The following TULP4 variants were observed in gnomAD, a reference collection of about 807,000 sequenced individuals.
TULP4 encodes the protein tubby-related protein 4.
TULP4 carries 16 observed loss-of-function variants against 129.0 expected under a neutral mutation model. That is an observed-to-expected ratio of 0.12 (90% CI 0.08 to 0.19). TULP4 has a LOEUF of 0.19. TULP4 is among the 10% of genes least tolerant of loss of function. The pLI is 1.00. For synonymous variants in TULP4, 998 were observed against 854.0 expected (o/e 1.17, Z -2.94); for missense variants, 1,842 against 2,059.1 (o/e 0.89, Z 2.04).
At chr6:158,240,279 C>T (rs1777852701) in intron 1 of TULP4, among the ~76,000 whole-genome samples, 1 of 83,220 alleles carries the variant, frequency 1.2e-5, no homozygotes, top group Non-Finnish European at 2.6e-5. Flanking sequence ...TCCTCACTTC[C>T]CAGTAGGGGT....
intron 1 of TULP4, among the ~76,000 whole-genome samples, chr6:158,255,977 T>G (rs1475565865): frequency 1.3e-5 from 2 of 151,986 alleles, no homozygotes; most frequent in Non-Finnish European, 2.9e-5. Flanking sequence ...TGTGCCACAT[T>G]TAAGGATTTT....
At chr6:158,255,989 G>A (rs1406056876) in intron 1 of TULP4, among the ~76,000 whole-genome samples, 1 of 150,954 alleles carries the variant, frequency 6.6e-6, no homozygotes, top group African/African-American at 2.4e-5. Context: ...AAGGATTTTG[G>A]TCTTTATCGC....
At chr6:158,427,939 G>T (rs1010662368) in intron 2 of TULP4, 1 of 152,080 alleles carries the variant, frequency 6.6e-6, no homozygotes, top group African/African-American at 2.4e-5. Flanking sequence ...GGCCAACATG[G>T]CAAAACCCCA....
intron 1 of TULP4, among the ~76,000 whole-genome samples, chr6:158,325,897 C>T (rs986355950): frequency 6.6e-5 from 10 of 151,304 alleles, no homozygotes; most frequent in African/African-American, 2.2e-4. Context: ...TGTCTCCCCC[C>T]CTCCCCCCAC....
intron 1 of TULP4, among the ~76,000 whole-genome samples, chr6:158,368,256 A>G (rs931917893): frequency 2.0e-5 from 3 of 152,146 alleles, no homozygotes; most frequent in African/African-American, 7.2e-5. Context: ...ATTATCATTA[A>G]TGGTAAAATG....
At position 158,493,109 on chromosome 6, in the gene TULP4, A is replaced by C. The variant is rs1780252570; in HGVS notation, c.1632-464A>C. ...GAAGGCCATTTCCACGCTTGCTCCA[A>C]GGCAACAGAGAGTGAAAGACAGTTA... is the stretch of plus-strand genomic sequence containing the variant. On this transcript the variant is annotated intron_variant, in intron 9 of 13. Coordinates refer to ENST00000367097, the MANE Select transcript of TULP4 (RefSeq NM_020245.5). The surrounding 1 kb of genome is among the most constrained non-coding windows in gnomAD (Gnocchi z 4.4). Among the ~76,000 whole-genome samples, 1 of 152,232 alleles carries C rather than the reference A, an allele frequency of 6.6e-6. No homozygotes were observed. Among genetic ancestry groups the C allele is most frequent in the Non-Finnish European group, 1.5e-5 (1 of 68,044 alleles).
intron 1 of TULP4, among the ~76,000 whole-genome samples, chr6:158,331,304 C>T (rs1170256845): frequency 6.6e-6 from 1 of 152,138 alleles, no homozygotes; most frequent in Admixed American, 6.5e-5. Flanking sequence ...AATCAAGAGC[C>T]TCCTGTTGTT....
In TULP4 at chr6:158,475,242, C is replaced by G. The variant is rs117503525; in HGVS notation, c.1027-4509C>G. Among the ~76,000 whole-genome samples the G allele has an allele frequency of 4.7e-3, 714 of 152,334 alleles. 6 individuals are homozygous for G. Among genetic ancestry groups the G allele is most frequent in the Non-Finnish European group, 7.5e-3 (507 of 68,032 alleles). On this transcript the variant is annotated intron_variant, in intron 6 of 13. Transcript: ENST00000367097. ...TGAGGGGGAGAAGCCAGAGGAGAAG[C>G]CTGCCCCTCCATGGGCCACTCGCCT...
chr6:158,316,419 T>C (rs563614393), intron 1 of TULP4, among the ~76,000 whole-genome samples: 28 of 152,342 alleles, frequency 1.8e-4, no homozygotes, highest in African/African-American at 6.0e-4. Flanking sequence ...ATTTTGAGAT[T>C]CATTTTTCCA....
intron 1 of TULP4, chr6:158,237,569 T>G: frequency 9.1e-6 from 14 of 1,543,634 alleles, no homozygotes; most frequent in Non-Finnish European, 1.2e-5. Context: ...ATCTGATCCT[T>G]CTTTTTACCC....
intron 8 of TULP4, among the ~76,000 whole-genome samples, chr6:158,482,721 G>T (rs1380113398): frequency 6.6e-6 from 1 of 152,108 alleles, no homozygotes; most frequent in East Asian, 1.9e-4. Context: ...TACCTCTAAG[G>T]TTACTCCCCT....
chr6:158,462,747 C>CTTT (rs56829575), intron 6 of TULP4, among the ~76,000 whole-genome samples: 1 of 127,852 alleles, frequency 7.8e-6, no homozygotes, highest in Non-Finnish European at 1.6e-5. Flanking sequence ...TTTTTTTTTC[C>CTTT]TTTTTTTTTT....
At chr6:158,243,399 A>ATGTATGTG (rs1333321175) in intron 1 of TULP4, among the ~76,000 whole-genome samples, 2 of 151,504 alleles carry the variant, frequency 1.3e-5, no homozygotes, top group East Asian at 3.9e-4. Context: ...ATTTGTGTGT[A>ATGTATGTG]TGTATGTGTG....
intron 1 of TULP4, among the ~76,000 whole-genome samples, chr6:158,302,588 C>T (rs753773074): frequency 8.5e-5 from 13 of 152,108 alleles, no homozygotes; most frequent in African/African-American, 2.7e-4. Flanking sequence ...CTTGAGAGAG[C>T]GGCCGCTGCT....
At chr6:158,462,407 T>C (rs1453884209) in intron 6 of TULP4, among the ~76,000 whole-genome samples, 1 of 151,030 alleles carries the variant, frequency 6.6e-6, no homozygotes, top group East Asian at 1.9e-4. Flanking sequence ...TTTGAGACGC[T>C]TTCTCACCCA....
chr6:158,491,858 T>C (rs1051575168), intron 9 of TULP4, among the ~76,000 whole-genome samples: 1 of 150,002 alleles, frequency 6.7e-6, no homozygotes, highest in African/African-American at 2.5e-5. Flanking sequence ...GTCTCATTCT[T>C]TTTTGTTGTT....
chr6:158,460,175 A>C (rs1779393616), intron 5 of TULP4, among the ~76,000 whole-genome samples: 1 of 152,100 alleles, frequency 6.6e-6, no homozygotes, highest in Non-Finnish European at 1.5e-5. Flanking sequence ...CAGGAGACAC[A>C]CTCTAGTTTT....
rs1463497912 is a variant in TULP4 at position 158,502,681 on chromosome 6, G to A, written c.3018G>A (p.Arg1006=). 1 of 1,558,570 alleles carries A rather than the reference G, an allele frequency of 6.4e-7. No homozygotes were observed. Among genetic ancestry groups the A allele is most frequent in the Non-Finnish European group, 8.6e-7 (1 of 1,157,390 alleles). ...LKMAQLADSP[R]APLQPLAKSK... ...TGGCCCAGCTGGCCGACAGCCCGCG[G>A]GCCCCCCTGCAGCCCCTGGCCAAGT... Residue 1006 remains arginine, a synonymous_variant, in exon 13 of 14, where the codon CGG becomes CGA. Coordinates refer to ENST00000367097, the MANE Select transcript of TULP4 (RefSeq NM_020245.5).
chr6:158,360,388 C>G (rs1432361924), intron 1 of TULP4, among the ~76,000 whole-genome samples: 2 of 152,144 alleles, frequency 1.3e-5, no homozygotes, highest in Non-Finnish European at 2.9e-5. Flanking sequence ...TCTGGGTTGG[C>G]AGCCTCGAGT....
Sources: gnomAD v4.1 joint callset for allele counts (sites outside exome capture counted in the v4.1 genomes callset) on GRCh38, gnomAD v4.1.1 for gene constraint, Gnocchi (gnomAD v3.1) non-coding constraint, MANE v1.5 for transcripts, NCBI Gene and HGNC (gene_info 2026-07-23, HGNC 2026-07-21) for gene names.